TEX11: variants seen among roughly 807,000 people sequenced by gnomAD.
TEX11 encodes the protein testis expressed 11.
A neutral mutation model predicts 84.4 loss-of-function variants in TEX11; 7 were observed. That is an observed-to-expected ratio of 0.08 (90% CI 0.05 to 0.16). TEX11 has a LOEUF of 0.16. TEX11 is among the 10% of genes least tolerant of loss of function. TEX11 has a pLI of 1.00. For missense variants in TEX11, 551 were observed against 660.5 expected (o/e 0.83, Z 1.82); for synonymous variants, 264 against 222.8 (o/e 1.18, Z -1.64).
intron 28 of TEX11, among the ~76,000 whole-genome samples, chrX:70,548,236 G>GGAA (rs35082881): frequency 0.081 from 8,644 of 106,888 alleles, 445 homozygotes; most frequent in Admixed American, 0.24. Context: ...CATGGACATA[G>GGAA]GAAGGGGAAC....
intron 28 of TEX11, among the ~76,000 whole-genome samples, chrX:70,541,329 G>A (rs1417785200): frequency 8.9e-6 from 1 of 111,839 alleles, no homozygotes; most frequent in African/African-American, 3.2e-5. Flanking sequence ...AGGGTTTAAG[G>A]AGGAGCTGAG....
At chrX:70,901,214 A>T (rs762994019) in intron 2 of TEX11, among the ~76,000 whole-genome samples, 18 of 111,791 alleles carry the variant, frequency 1.6e-4, no homozygotes, top group Non-Finnish European at 3.4e-4. Context: ...TACTTAAAAA[A>T]GACTGAGGGA....
chrX:70,589,377 C>T lies in TEX11; in HGVS notation c.2140+2374G>A, dbSNP rs184526225. On this transcript the variant is annotated intron_variant, in intron 25 of 29. Coordinates refer to ENST00000374333, the MANE Select transcript of TEX11 (RefSeq NM_031276.3). ...GTCTAGCTGTGTGTATAAAAATATA[C>T]TTAGACTATATATATGTATATATAG... 3.4e-4 allele frequency among the ~76,000 whole-genome samples: 37 copies of T among 109,828 alleles called. No individual in the cohort carries two copies. In the East Asian group the frequency reaches 0.011, roughly 31 times the overall value.
At chrX:70,759,750 G>T (rs1216397993) in intron 9 of TEX11, among the ~76,000 whole-genome samples, 2 of 111,526 alleles carry the variant, frequency 1.8e-5, no homozygotes, top group African/African-American at 6.5e-5. Flanking sequence ...CATAATGTTG[G>T]AAGTTCTGGC....
chrX:70,788,165 C>T, intron 9 of TEX11, among the ~76,000 whole-genome samples: 1 of 111,954 alleles, frequency 8.9e-6, no homozygotes, highest in Non-Finnish European at 1.9e-5. Flanking sequence ...GAAAACGACA[C>T]TAAAATGTGT....
At chrX:70,751,083 A>C (rs772600600) in intron 9 of TEX11, among the ~76,000 whole-genome samples, 1 of 103,659 alleles carries the variant, frequency 9.6e-6, no homozygotes, top group Non-Finnish European at 2.0e-5. Flanking sequence ...CGATACCTCA[A>C]GGATCTAGAA....
downstream of TEX11, among the ~76,000 whole-genome samples, chrX:70,527,611 T>TAAG (rs1267490497): frequency 1.8e-5 from 2 of 111,230 alleles, no homozygotes; most frequent in Non-Finnish European, 3.8e-5. Flanking sequence ...AGGACTTTAC[T>TAAG]AAGTTAATCA....
At chrX:70,831,974 G>A (rs763557783) in intron 8 of TEX11, among the ~76,000 whole-genome samples, 4 of 111,263 alleles carry the variant, frequency 3.6e-5, no homozygotes, top group Admixed American at 1.9e-4. Context: ...AATTTGATTT[G>A]CCATAGTTTC....
intron 11 of TEX11, among the ~76,000 whole-genome samples, chrX:70,727,088 AT>A (rs1363632991): frequency 2.7e-5 from 3 of 111,528 alleles, no homozygotes; most frequent in African/African-American, 9.8e-5. Context: ...CAAGATAAGT[AT>A]TGTGAATCTT....
intron 13 of TEX11, among the ~76,000 whole-genome samples, chrX:70,719,802 A>G (rs1422162086): frequency 8.9e-6 from 1 of 111,990 alleles, no homozygotes; most frequent in Non-Finnish European, 1.9e-5. Flanking sequence ...GAGAAATGCA[A>G]ATCAAAACCA....
chrX:70,864,929 CCG>C lies in TEX11; in HGVS notation c.245-3995_245-3994del, dbSNP rs1406991688. Among the ~76,000 whole-genome samples, 4 of 110,290 alleles carry C rather than the reference CCG, an allele frequency of 3.6e-5. No homozygotes were observed. In the Admixed American group the frequency reaches 3.9e-4, roughly 11 times the overall value. ...TATGGAAAGAAAAAACCGGTAACAG[CCG>C]CGGCAAAAACATACCAAAATATAAA... On this transcript the variant is annotated intron_variant, in intron 4 of 29. Coordinates refer to ENST00000374333, the MANE Select transcript of TEX11 (RefSeq NM_031276.3).
At chrX:70,841,012 C>T (rs934490135) in intron 7 of TEX11, among the ~76,000 whole-genome samples, 9 of 111,001 alleles carry the variant, frequency 8.1e-5, no homozygotes, top group Middle Eastern at 4.7e-3. Context: ...GAGACTTAGA[C>T]TCCCACACAA....
chrX:70,553,255 A>G (rs1489965145), intron 27 of TEX11, 51 bp downstream of exon 27: 1 of 865,793 alleles, frequency 1.2e-6, no homozygotes, highest in Non-Finnish European at 1.6e-6. Context: ...CTTTTGAGGC[A>G]TTGACTATAG....
chrX:70,744,057 C>T, intron 10 of TEX11, 108 bp downstream of exon 10: 1 of 312,575 alleles, frequency 3.2e-6, no homozygotes, highest in Non-Finnish European at 5.1e-6. Context: ...AATGTTGTGC[C>T]CAATAGCTAA....
intron 14 of TEX11, among the ~76,000 whole-genome samples, chrX:70,680,844 C>G (rs1396290002): frequency 8.9e-6 from 1 of 112,013 alleles, no homozygotes; most frequent in Non-Finnish European, 1.9e-5. Context: ...AGATCATCAT[C>G]TGGTGCCTTA....
chrX:70,781,269 C>T (rs1435520272), intron 9 of TEX11, among the ~76,000 whole-genome samples: 1 of 110,437 alleles, frequency 9.1e-6, no homozygotes, highest in Non-Finnish European at 1.9e-5. Context: ...ATAGCATCAA[C>T]ATCAACAAAA....
intron 9 of TEX11, among the ~76,000 whole-genome samples, chrX:70,756,081 T>G (rs1294825234): frequency 8.9e-6 from 1 of 111,982 alleles, no homozygotes; most frequent in Non-Finnish European, 1.9e-5. Context: ...GGCGGTTTTG[T>G]GCTCACCGTG....
chrX:70,806,110 G>T (rs1311244953), intron 9 of TEX11, among the ~76,000 whole-genome samples: 1 of 111,866 alleles, frequency 8.9e-6, no homozygotes. Context: ...CTATACTCTT[G>T]ATAGAGATAT....
At chrX:70,844,724 G>T (rs371386768) in intron 7 of TEX11, among the ~76,000 whole-genome samples, 1 of 110,982 alleles carries the variant, frequency 9.0e-6, no homozygotes. Flanking sequence ...GCTCGAGACC[G>T]GCCTGGCCAA....
Sources: allele counts gnomAD v4.1 joint callset (sites outside exome capture counted in the v4.1 genomes callset), GRCh38; gene constraint gnomAD v4.1.1; transcripts MANE v1.5; gene names NCBI Gene and HGNC (gene_info 2026-07-23, HGNC 2026-07-21).